Variants in SHISA9 observed in about 807,000 individuals in gnomAD.
SHISA9 encodes shisa family member 9, also known as protein shisa-9.
In SHISA9, 13 loss-of-function variants were observed where a neutral mutation model predicts 38.0. The ratio of observed to expected loss-of-function variants is 0.34; its 90% CI spans 0.22 to 0.54. The LOEUF (loss-of-function observed/expected upper bound fraction) is 0.54. SHISA9 is among the 20% of genes least tolerant of loss of function. The pLI is 0.91. For missense variants in SHISA9, 538 were observed against 575.8 expected (o/e 0.93, Z 0.67); for synonymous variants, 275 against 242.0 (o/e 1.14, Z -1.27).
At chr16:13,060,646 A>C (rs996387486) in intron 2 of SHISA9, among the ~76,000 whole-genome samples, 1 of 151,224 alleles carries the variant, frequency 6.6e-6, no homozygotes, top group Non-Finnish European at 1.5e-5. Context: ...TCAAAAAAAA[A>C]AAAAAAAAAA....
the SHISA9 span, among the ~76,000 whole-genome samples, chr16:13,558,482 T>C: frequency 6.6e-6 from 1 of 152,202 alleles, no homozygotes; most frequent in Admixed American, 6.5e-5. Context: ...TGCAAGCCTC[T>C]GACCACAACA....
intron 2 of SHISA9, among the ~76,000 whole-genome samples, chr16:12,968,601 C>T (rs1378450462): frequency 1.3e-5 from 2 of 152,164 alleles, no homozygotes; most frequent in African/African-American, 2.4e-5. Flanking sequence ...ACAGCTACAA[C>T]TGTATGTGTG....
chr16:13,045,439 T>A (rs2073175838), intron 2 of SHISA9, among the ~76,000 whole-genome samples: 1 of 152,212 alleles, frequency 6.6e-6, no homozygotes, highest in Admixed American at 6.5e-5. Flanking sequence ...CTTACCATAC[T>A]GTCTTGGCTA....
At chr16:13,302,092 G>T in the SHISA9 span, among the ~76,000 whole-genome samples, 2 of 152,200 alleles carry the variant, frequency 1.3e-5, no homozygotes, top group African/African-American at 2.4e-5. Flanking sequence ...GAGCTGCACT[G>T]GTCCTTTCTT....
At chr16:13,472,376 A>ATTTTT in the SHISA9 span, among the ~76,000 whole-genome samples, 24 of 113,458 alleles carry the variant, frequency 2.1e-4, no homozygotes, top group African/African-American at 7.1e-4. Context: ...CGCTCTGCTA[A>ATTTTT]ATTTTTTTTT....
intron 2 of SHISA9, among the ~76,000 whole-genome samples, chr16:12,985,008 C>T (rs2141826692): frequency 6.6e-6 from 1 of 152,288 alleles, no homozygotes; most frequent in Middle Eastern, 3.4e-3. Flanking sequence ...GTTTAGTTCC[C>T]TTCCCTGTCC....
intron 2 of SHISA9, among the ~76,000 whole-genome samples, chr16:13,143,795 C>T (rs1396960805): frequency 6.6e-6 from 1 of 152,206 alleles, no homozygotes; most frequent in Non-Finnish European, 1.5e-5. Flanking sequence ...CTGAGTGACT[C>T]ATAAGGACCA....
At chr16:12,989,175 A>C (rs894824504) in intron 2 of SHISA9, among the ~76,000 whole-genome samples, 6 of 152,008 alleles carry the variant, frequency 3.9e-5, no homozygotes, top group Non-Finnish European at 5.9e-5. Context: ...CCTAAAGATA[A>C]TGACAATAGG....
At chr16:13,464,833 C>G in the SHISA9 span, among the ~76,000 whole-genome samples, 2 of 152,002 alleles carry the variant, frequency 1.3e-5, no homozygotes, top group African/African-American at 2.4e-5. Flanking sequence ...ACCCCCACCC[C>G]CCACCTTTTA....
chr16:13,174,925 A>C (rs988850856), intron 2 of SHISA9, among the ~76,000 whole-genome samples: 2 of 152,236 alleles, frequency 1.3e-5, no homozygotes, highest in African/African-American at 4.8e-5. Context: ...AGACTTAGGC[A>C]AAGATATGAG....
At chr16:13,446,487 G>T in the SHISA9 span, among the ~76,000 whole-genome samples, 2 of 152,160 alleles carry the variant, frequency 1.3e-5, no homozygotes, top group Admixed American at 1.3e-4. Context: ...CAATAAAGCA[G>T]GGTCAGCAGA....
chr16:13,328,591 T>TATACACAC, the SHISA9 span, among the ~76,000 whole-genome samples: 2 of 139,968 alleles, frequency 1.4e-5, no homozygotes, highest in Admixed American at 7.3e-5. Context: ...TATATGTGTA[T>TATACACAC]ACACACACAC....
chr16:13,467,219 C>A, the SHISA9 span, among the ~76,000 whole-genome samples: 1 of 152,042 alleles, frequency 6.6e-6, no homozygotes, highest in Non-Finnish European at 1.5e-5. Context: ...GAGAGGAAGA[C>A]TCGCCTTCTA....
At chr16:12,950,394 C>T (rs1874294644) in intron 2 of SHISA9, among the ~76,000 whole-genome samples, 2 of 152,080 alleles carry the variant, frequency 1.3e-5, no homozygotes, top group Non-Finnish European at 2.9e-5. Flanking sequence ...CAGTGGGATT[C>T]CCCCGGGAAA....
At chr16:13,420,678 A>G in the SHISA9 span, among the ~76,000 whole-genome samples, 1 of 152,176 alleles carries the variant, frequency 6.6e-6, no homozygotes, top group Non-Finnish European at 1.5e-5. Context: ...CAGCCTGATT[A>G]ATGAAGCCAG....
At chr16:13,234,812 A>G (rs1301908590) in intron 4 of SHISA9, among the ~76,000 whole-genome samples, 8 of 152,072 alleles carry the variant, frequency 5.3e-5, no homozygotes, top group Admixed American at 5.2e-4. Flanking sequence ...GGATGCCTTT[A>G]ATCCTCTTGG....
At chr16:13,230,007 G>A (rs983657897) in intron 4 of SHISA9, among the ~76,000 whole-genome samples, 2 of 152,128 alleles carry the variant, frequency 1.3e-5, no homozygotes, top group African/African-American at 2.4e-5. Flanking sequence ...TGTAATTTGG[G>A]GGATTATTTG....
At chr16:13,437,605 C>G in the SHISA9 span, among the ~76,000 whole-genome samples, 1 of 152,102 alleles carries the variant, frequency 6.6e-6, no homozygotes, top group African/African-American at 2.4e-5. Context: ...ATAAACAACT[C>G]GGTTACTGTG....
intron 2 of SHISA9, among the ~76,000 whole-genome samples, chr16:13,061,888 G>A (rs914153140): frequency 6.6e-6 from 1 of 152,166 alleles, no homozygotes; most frequent in African/African-American, 2.4e-5. Flanking sequence ...TGAATGGTGG[G>A]GGGAGGAGCA....
Sources: gnomAD v4.1 joint callset for allele counts (sites outside exome capture counted in the v4.1 genomes callset) on GRCh38, gnomAD v4.1.1 for gene constraint, MANE v1.5 for transcripts, NCBI Gene and HGNC (gene_info 2026-07-23, HGNC 2026-07-21) for gene names.